Variants in NRXN3 observed in about 807,000 individuals in gnomAD.
The protein encoded by NRXN3 is neurexin 3, also known as neurexin III.
NRXN3 carries 32 observed loss-of-function variants against 137.6 expected under a neutral mutation model. The ratio of observed to expected loss-of-function variants is 0.23; its 90% CI spans 0.18 to 0.31. The LOEUF is 0.31. NRXN3 is among the 10% of genes least tolerant of loss of function. The probability of loss-of-function intolerance (pLI) is 1.00; values close to 1 mark genes in which losing one functional copy is unlikely to be tolerated. For missense variants in NRXN3, 1,574 were observed against 2,062.5 expected (o/e 0.76, Z 4.59); for synonymous variants, 798 against 784.5 (o/e 1.02, Z -0.29).
chr14:78,746,739 C>A (rs2098609339), intron 8 of NRXN3, among the ~76,000 whole-genome samples: 1 of 152,224 alleles, frequency 6.6e-6, no homozygotes, highest in Admixed American at 6.5e-5. Context: ...AGAGTTTGCA[C>A]AACCCCATCT....
chr14:78,926,804 TTA>T (rs1265810564), intron 10 of NRXN3, among the ~76,000 whole-genome samples: 6 of 50,196 alleles, frequency 1.2e-4, no homozygotes, highest in Admixed American at 3.7e-4. Context: ...TATTATATAT[TTA>T]TATATATTAT....
chr14:79,184,567 A>G (rs1249026905), intron 15 of NRXN3, among the ~76,000 whole-genome samples: 1 of 152,140 alleles, frequency 6.6e-6, no homozygotes, highest in African/African-American at 2.4e-5. Context: ...TTTAAGGAAC[A>G]TCTCCCTCCC....
intron 16 of NRXN3, among the ~76,000 whole-genome samples, chr14:79,616,747 A>C (rs145966150): frequency 6.6e-6 from 1 of 152,178 alleles, no homozygotes; most frequent in African/African-American, 2.4e-5. Flanking sequence ...CATGGGTTCA[A>C]TGGGGATCTG....
chr14:79,479,070 A>G (rs547586693), intron 16 of NRXN3, among the ~76,000 whole-genome samples: 4 of 152,148 alleles, frequency 2.6e-5, no homozygotes, highest in Non-Finnish European at 5.9e-5. Context: ...GAATCTGATT[A>G]CCCTTATCAT....
At chr14:78,773,835 C>G (rs1038127746) in intron 8 of NRXN3, among the ~76,000 whole-genome samples, 5 of 152,284 alleles carry the variant, frequency 3.3e-5, no homozygotes, top group Admixed American at 3.3e-4. Context: ...TGGAGTCTCA[C>G]TCTGTCACCA....
At chr14:78,513,613 T>C (rs2096150376) in intron 4 of NRXN3, among the ~76,000 whole-genome samples, 1 of 152,152 alleles carries the variant, frequency 6.6e-6, no homozygotes, top group Admixed American at 6.6e-5. Context: ...AAGTAAAAAC[T>C]GTGTTACTGA....
chr14:79,163,115 C>G (rs1596651588), intron 15 of NRXN3, among the ~76,000 whole-genome samples: 1 of 151,864 alleles, frequency 6.6e-6, no homozygotes, highest in African/African-American at 2.4e-5. Flanking sequence ...AAACAGAGAA[C>G]CTGATAAGTG....
chr14:78,847,964 C>T (rs775536907), intron 10 of NRXN3, among the ~76,000 whole-genome samples: 9 of 152,064 alleles, frequency 5.9e-5, no homozygotes, highest in Non-Finnish European at 1.2e-4. Flanking sequence ...AAATCTGGTT[C>T]TCAAGATATT....
intron 16 of NRXN3, among the ~76,000 whole-genome samples, chr14:79,541,782 G>C (rs1001601657): frequency 6.6e-6 from 1 of 152,186 alleles, no homozygotes; most frequent in African/African-American, 2.4e-5. Context: ...TGATGGAGTT[G>C]CATTTGTTAC....
At chr14:78,662,654 A>G (rs1157468916) in intron 6 of NRXN3, among the ~76,000 whole-genome samples, 1 of 152,242 alleles carries the variant, frequency 6.6e-6, no homozygotes, top group Non-Finnish European at 1.5e-5. Flanking sequence ...TGATAGATCT[A>G]TAGTTCTACG....
chr14:78,829,050 G>T (rs1170019111), intron 10 of NRXN3, among the ~76,000 whole-genome samples: 1 of 152,072 alleles, frequency 6.6e-6, no homozygotes, highest in East Asian at 1.9e-4. Flanking sequence ...CAGAGACATT[G>T]ACAAAGGTGA....
Position 78,689,824 on chromosome 14 carries a change from TTCTC to T in NRXN3, c.1222-19376_1222-19373del, listed in dbSNP as rs143870046. Among the ~76,000 whole-genome samples, 8 of 146,838 alleles carry T rather than the reference TTCTC, an allele frequency of 5.4e-5. No individual in the cohort carries two copies. In the South Asian group the frequency reaches 8.9e-4, roughly 16 times the overall value. Reference sequence around the variant, plus strand: ...GTTGAGTGGCTTGGTCTCACTCTCTTTCTCTCTCTCTCTCTCTCTCAACCTCTCT... The same window carrying T: ...GTTGAGTGGCTTGGTCTCACTCTCTTTCTCTCTCTCTCTCTCAACCTCTCT... On this transcript the variant is annotated intron_variant, in intron 6 of 20. Transcript: ENST00000335750.
At chr14:78,421,954 T>C (rs1175616914) in intron 4 of NRXN3, among the ~76,000 whole-genome samples, 1 of 152,176 alleles carries the variant, frequency 6.6e-6, no homozygotes, top group African/African-American at 2.4e-5. Flanking sequence ...TCTTATGCAG[T>C]ATTGGAATGG....
intron 15 of NRXN3, among the ~76,000 whole-genome samples, chr14:79,110,837 C>A (rs1174088989): frequency 6.6e-6 from 1 of 151,768 alleles, no homozygotes; most frequent in East Asian, 1.9e-4. Flanking sequence ...GTCGCCCAGG[C>A]TGGAGTGCAG....
intron 8 of NRXN3, among the ~76,000 whole-genome samples, chr14:78,723,555 G>A (rs2098469868): frequency 6.6e-6 from 1 of 152,176 alleles, no homozygotes; most frequent in South Asian, 2.1e-4. Flanking sequence ...ACCTACACCT[G>A]CTTTGGTCCC....
chr14:78,813,627 T>G (rs556895289), intron 10 of NRXN3, among the ~76,000 whole-genome samples: 103 of 152,272 alleles, frequency 6.8e-4, no homozygotes, highest in African/African-American at 1.4e-3. Flanking sequence ...CTCTGAAAAG[T>G]CACTTGGGTA....
chr14:78,180,173 G>A (rs1481657967), intron 1 of NRXN3, among the ~76,000 whole-genome samples: 1 of 152,122 alleles, frequency 6.6e-6, no homozygotes, highest in African/African-American at 2.4e-5. Flanking sequence ...ACATGGGGGA[G>A]GGCGCTTTTA....
chr14:79,286,490 A>G (rs968897379), intron 15 of NRXN3, among the ~76,000 whole-genome samples: 3 of 149,970 alleles, frequency 2.0e-5, no homozygotes, highest in African/African-American at 7.3e-5. Context: ...TAAATTGTCT[A>G]CTTCATGACA....
At chr14:78,345,840 C>T (rs17107396) in intron 4 of NRXN3, among the ~76,000 whole-genome samples, 5,234 of 152,266 alleles carry the variant, frequency 0.034, 252 homozygotes, top group East Asian at 0.26. Context: ...CCGAGGGAAA[C>T]TGAGACTTGA....
Sources: gnomAD v4.1 joint callset for allele counts (sites outside exome capture counted in the v4.1 genomes callset) on GRCh38, gnomAD v4.1.1 for gene constraint, MANE v1.5 for transcripts, NCBI Gene and HGNC (gene_info 2026-07-23, HGNC 2026-07-21) for gene names.